The following PPP2R1B variants were observed in gnomAD, a reference collection of about 807,000 sequenced individuals.
PPP2R1B encodes serine/threonine-protein phosphatase 2A 65 kDa regulatory subunit A beta isoform.
In PPP2R1B, 58 loss-of-function variants were observed where a neutral mutation model predicts 72.7. The ratio of observed to expected loss-of-function variants is 0.80; its 90% CI spans 0.65 to 0.99. The LOEUF is 0.99. Among genes scored for constraint, PPP2R1B ranks in the 50% least tolerant of loss-of-function variants. The pLI is 0.00. For missense variants in PPP2R1B, 695 were observed against 733.6 expected (o/e 0.95, Z 0.61); for synonymous variants, 256 against 264.6 (o/e 0.97, Z 0.32).
chr11:111,700,286 T>G, the PPP2R1B span, among the ~76,000 whole-genome samples: 4 of 152,194 alleles, frequency 2.6e-5, no homozygotes, highest in African/African-American at 9.6e-5. Context: ...GTGATGGTGA[T>G]AGGTGGCTTG....
the PPP2R1B span, among the ~76,000 whole-genome samples, chr11:111,698,297 G>A: frequency 1.6e-3 from 250 of 152,316 alleles, 3 homozygotes; most frequent in Admixed American, 0.015. Context: ...TTGTTCTCTT[G>A]CCTGTGAAGT....
At chr11:111,730,313 G>A in intron 15 of PPP2R1B, 1 of 152,214 alleles carries the variant, frequency 6.6e-6, no homozygotes, top group Non-Finnish European at 1.5e-5. Context: ...GATTTGCTCA[G>A]TCAAGGAAAT....
chr11:111,742,943 G>A (rs141685630), intron 12 of PPP2R1B, among the ~76,000 whole-genome samples: 447 of 151,408 alleles, frequency 3.0e-3, no homozygotes, highest in African/African-American at 0.01. Flanking sequence ...GTAGTGGCGC[G>A]ATCTCAGCTC....
At chr11:111,743,942 AGAG>A (rs1178714195) in intron 11 of PPP2R1B, among the ~76,000 whole-genome samples, 1 of 152,230 alleles carries the variant, frequency 6.6e-6, no homozygotes, top group African/African-American at 2.4e-5. Flanking sequence ...GTAGCAGTGC[AGAG>A]AAGAGTGAAC....
chr11:111,740,069 T>C lies in PPP2R1B; in HGVS notation c.*1527A>G. On this transcript the variant is annotated 3_prime_UTR_variant, in exon 15 of 15. Transcript: ENST00000527614. ...ACTAAACAGAACAGGACTTGTTAGA[T>C]TTAAAAGAGGTTGTGAACAAAATCA... 5 of 985,362 alleles carry C rather than the reference T, an allele frequency of 5.1e-6. No homozygotes were observed. The highest frequency in any genetic ancestry group is 4.7e-5 in the South Asian group (1 of 21,288). The allele number at this position is 985,362 out of a possible 1,614,324, so 61.0% of individuals were successfully genotyped here. A position where few individuals can be genotyped will look rare whatever the true frequency, so the allele number is the denominator to read the frequency against.
chr11:111,695,737 G>T, the PPP2R1B span, among the ~76,000 whole-genome samples: 2 of 152,090 alleles, frequency 1.3e-5, no homozygotes, highest in Admixed American at 6.5e-5. Context: ...GTTAGTATTT[G>T]ATTTATTTCA....
intron 5 of PPP2R1B, among the ~76,000 whole-genome samples, chr11:111,756,767 C>T (rs1555049824): frequency 6.6e-6 from 1 of 152,140 alleles, no homozygotes; most frequent in African/African-American, 2.4e-5. Context: ...ATGTAAACAG[C>T]CAATGTCAAC....
chr11:111,709,020 C>T, the PPP2R1B span, among the ~76,000 whole-genome samples: 1 of 152,220 alleles, frequency 6.6e-6, no homozygotes, highest in Non-Finnish European at 1.5e-5. Context: ...GGTTGCCCTT[C>T]ACAACAGGTT....
chr11:111,700,254 C>T, the PPP2R1B span, among the ~76,000 whole-genome samples: 3 of 152,124 alleles, frequency 2.0e-5, no homozygotes, highest in Admixed American at 6.5e-5. Context: ...AATGCCACTG[C>T]GATCCATAAA....
At position 111,752,256 on chromosome 11, in the gene PPP2R1B, T is replaced by G; in HGVS notation, c.1241A>C (p.Gln414Pro). The G allele has an allele frequency of 6.2e-7, 1 of 1,614,110 alleles. No individual in the cohort carries two copies. The highest frequency in any genetic ancestry group is 8.5e-7 in the Non-Finnish European group (1 of 1,179,994). Reference protein sequence around the residue: ...NEVIGIRQLSQSLLPAIVELA... With the variant: ...NEVIGIRQLSPSLLPAIVELA... ...CTCCACTATGGCAGGAAGGAGAGAC[T>G]GAGAGAGCTGACGGATTCCAATCAC... Residue 414 changes from glutamine (Q) to proline (P), a missense_variant, in exon 10 of 15, where the codon CAG becomes CCG. Physicochemically the swap from Gln to Pro is moderately conservative, Grantham distance 76. Transcript: ENST00000527614.
intron 14 of PPP2R1B, 54 bp downstream of exon 14, chr11:111,741,999 T>G: frequency 6.4e-6 from 9 of 1,408,022 alleles, no homozygotes; most frequent in Non-Finnish European, 9.1e-6. Context: ...ATAATAGAGA[T>G]AAATCCCAGT....
chr11:111,723,745 T>C, downstream of PPP2R1B: 29 of 1,614,104 alleles, frequency 1.8e-5, no homozygotes, highest in Non-Finnish European at 2.4e-5. Flanking sequence ...AGATGCAGCT[T>C]CAGCCCCTGC....
chr11:111,760,339 T>C (rs1945279296), intron 4 of PPP2R1B, among the ~76,000 whole-genome samples: 1 of 152,096 alleles, frequency 6.6e-6, no homozygotes. Flanking sequence ...GGTCCCACCA[T>C]GCCCAGCTAA....
Position 111,742,569 on chromosome 11 carries a change from T to C in PPP2R1B, c.1651A>G (p.Asn551Asp), listed in dbSNP as rs1944560948. 6.2e-7 allele frequency: 1 copy of C among 1,613,800 alleles called. No individual in the cohort carries two copies. The highest frequency in any genetic ancestry group is 1.7e-5 in the Admixed American group (1 of 59,996). ...ATCTTTTGTAGAGATTTGGCCACAT[T>C]GAAGCGAACATTTGCTACTTGGTCT... ...AGDQVANVRF[N>D]VAKSLQKIGP... The change falls in exon 13 of 15, where the codon AAT becomes GAT. Residue 551 changes from asparagine (N) to aspartate (D), a missense_variant. By Grantham distance (23) the Asn-to-Asp change is conservative (BLOSUM62 1). Transcript: ENST00000527614.
intron 1 of PPP2R1B, 109 bp from the exon 2 acceptor site, chr11:111,765,493 G>A (rs1010084917): frequency 1.2e-6 from 1 of 867,734 alleles, no homozygotes; most frequent in Non-Finnish European, 1.8e-6. Flanking sequence ...TAAGAATGAA[G>A]ATAACCTTTC....
chr11:111,721,874 C>G, the PPP2R1B span: 5 of 1,612,956 alleles, frequency 3.1e-6, no homozygotes, highest in Admixed American at 8.4e-5. Flanking sequence ...CTCTCCCTGC[C>G]AGCGTGCATC....
chr11:111,737,949 A>G lies in PPP2R1B; in HGVS notation c.*3647T>C, dbSNP rs1051186528. On this transcript the variant is annotated 3_prime_UTR_variant, in exon 15 of 15. Transcript: ENST00000527614. ...GGCTTGGCTTTCCGACGCAATGAGTAATTAAACTCTATTCGTCCTCCGGAA... is the reference window on the plus strand; with the variant it reads ...GGCTTGGCTTTCCGACGCAATGAGTGATTAAACTCTATTCGTCCTCCGGAA... The G allele has an allele frequency of 3.9e-6, 4 of 1,034,532 alleles. No individual in the cohort carries two copies. Among genetic ancestry groups the G allele is most frequent in the Non-Finnish European group, 3.5e-6 (3 of 858,838 alleles). 64.1% of individuals were successfully genotyped at this position (1,034,532 alleles called of 1,614,324 possible). A position where few individuals can be genotyped will look rare whatever the true frequency, so the allele number is the denominator to read the frequency against.
At chr11:111,710,952 G>C in the PPP2R1B span, among the ~76,000 whole-genome samples, 1 of 152,134 alleles carries the variant, frequency 6.6e-6, no homozygotes, top group Non-Finnish European at 1.5e-5. Context: ...TCATAGTCTA[G>C]TATGATGATT....
At chr11:111,719,936 A>C in the PPP2R1B span, 1 of 1,614,148 alleles carries the variant, frequency 6.2e-7, no homozygotes, top group Non-Finnish European at 8.5e-7. Context: ...TTCAGTCCAC[A>C]CGCAGCGGGC....
Sources: gnomAD v4.1 joint callset for allele counts (sites outside exome capture counted in the v4.1 genomes callset) on GRCh38, gnomAD v4.1.1 for gene constraint, MANE v1.5 for transcripts, NCBI Gene and HGNC (gene_info 2026-07-23, HGNC 2026-07-21) for gene names.